WDR70: variants seen among roughly 807,000 people sequenced by gnomAD.
WDR70 encodes the protein WD repeat-containing protein 70.
In WDR70, 53 loss-of-function variants were observed where a neutral mutation model predicts 88.6. The observed-to-expected ratio is 0.60, with a 90% CI of 0.48 to 0.75. The LOEUF (loss-of-function observed/expected upper bound fraction) is 0.75. Among genes scored for constraint, WDR70 ranks in the 30% least tolerant of loss-of-function variants. The pLI, the probability that WDR70 is intolerant of heterozygous loss-of-function variation, is 0.00. For synonymous variants in WDR70, 280 were observed against 270.0 expected, an observed-to-expected ratio of 1.04 and a Z score of -0.36; for missense variants, 610 against 823.2, an observed-to-expected ratio of 0.74 and a Z score of 3.17.
At chr5:37,512,954 G>C (rs923151334) in intron 8 of WDR70, among the ~76,000 whole-genome samples, 5 of 152,150 alleles carry the variant, frequency 3.3e-5, no homozygotes, top group African/African-American at 7.2e-5. Context: ...CTTGGGATTA[G>C]AATATGGACA....
At chr5:37,601,153 T>A (rs541167476) in intron 9 of WDR70, among the ~76,000 whole-genome samples, 1 of 152,356 alleles carries the variant, frequency 6.6e-6, no homozygotes, top group South Asian at 2.1e-4. Flanking sequence ...TGATGTTAGC[T>A]GTGGGCTTAT....
At chr5:37,476,607 G>T (rs1391070741) in intron 7 of WDR70, among the ~76,000 whole-genome samples, 2 of 151,182 alleles carry the variant, frequency 1.3e-5, no homozygotes, top group African/African-American at 4.9e-5. Flanking sequence ...CTGGAGTGCA[G>T]TGGAGCAATC....
intron 5 of WDR70, among the ~76,000 whole-genome samples, chr5:37,422,926 C>T (rs1196830272): frequency 6.6e-6 from 1 of 152,086 alleles, no homozygotes; most frequent in Non-Finnish European, 1.5e-5. Flanking sequence ...CTGCACCTGG[C>T]CAAATGTGAA....
intron 5 of WDR70, among the ~76,000 whole-genome samples, chr5:37,429,095 T>A (rs1385262346): frequency 6.6e-6 from 1 of 152,224 alleles, no homozygotes; most frequent in Non-Finnish European, 1.5e-5. Flanking sequence ...CTTAGGCTCC[T>A]GAGTGTCTGG....
intron 4 of WDR70, 95 bp from the exon 5 acceptor site, chr5:37,396,280 T>A: frequency 7.1e-7 from 1 of 1,410,240 alleles, no homozygotes; most frequent in Non-Finnish European, 9.3e-7. Context: ...CAGTTGTTAA[T>A]AGGAGAGGAA....
intron 7 of WDR70, among the ~76,000 whole-genome samples, chr5:37,468,974 C>G (rs1465802593): frequency 1.3e-5 from 2 of 152,070 alleles, no homozygotes; most frequent in Non-Finnish European, 2.9e-5. Context: ...AACTAGTCCC[C>G]CATGGATACT....
At chr5:37,683,887 C>G (rs1179202680) in intron 10 of WDR70, among the ~76,000 whole-genome samples, 1 of 152,110 alleles carries the variant, frequency 6.6e-6, no homozygotes, top group African/African-American at 2.4e-5. Flanking sequence ...ATGTTGGCCT[C>G]TCTAGCTAGT....
intron 9 of WDR70, among the ~76,000 whole-genome samples, chr5:37,553,171 A>G (rs1387048886): frequency 6.6e-6 from 1 of 152,194 alleles, no homozygotes; most frequent in Non-Finnish European, 1.5e-5. Flanking sequence ...GGGGAAGAAA[A>G]TAGCCCTTTC....
intron 9 of WDR70, among the ~76,000 whole-genome samples, chr5:37,555,779 C>T (rs549488342): frequency 3.3e-5 from 5 of 152,062 alleles, no homozygotes; most frequent in Non-Finnish European, 5.9e-5. Context: ...AGTGCAGTAG[C>T]GTGATCTTGG....
At chr5:37,588,113 A>G (rs769859017) in intron 9 of WDR70, among the ~76,000 whole-genome samples, 1 of 152,186 alleles carries the variant, frequency 6.6e-6, no homozygotes, top group Non-Finnish European at 1.5e-5. Context: ...GGTAGTATTA[A>G]AGATCAATAG....
chr5:37,637,331 T>C (rs575692092), intron 10 of WDR70, among the ~76,000 whole-genome samples: 6 of 117,894 alleles, frequency 5.1e-5, no homozygotes, highest in Non-Finnish European at 8.5e-5. Context: ...TCTCAAAAAA[T>C]AAATAAATTA....
In WDR70 at chr5:37,613,813, T is replaced by A. The variant is rs185585922; in HGVS notation, c.1092+8575T>A. 2.0e-3 allele frequency among the ~76,000 whole-genome samples: 299 copies of A among 152,158 alleles called. 1 individual carries two copies. The highest frequency in any genetic ancestry group is 6.8e-3 in the African/African-American group (282 of 41,524). ...TGCTGTCATTATTGTTTTACTGATTTAAAAAAAATCCAGAAACAAAGAAAT... is the reference window on the plus strand; with the variant it reads ...TGCTGTCATTATTGTTTTACTGATTAAAAAAAAATCCAGAAACAAAGAAAT... On this transcript the variant is annotated intron_variant, in intron 10 of 17. Transcript: ENST00000265107.
intron 8 of WDR70, among the ~76,000 whole-genome samples, chr5:37,491,304 T>C (rs1200713622): frequency 6.6e-5 from 10 of 152,200 alleles, no homozygotes; most frequent in Admixed American, 6.5e-4. Flanking sequence ...AGTGTGATTA[T>C]CTACTCATTA....
chr5:37,661,474 G>C (rs964492973), intron 10 of WDR70, among the ~76,000 whole-genome samples: 1 of 152,234 alleles, frequency 6.6e-6, no homozygotes, highest in Non-Finnish European at 1.5e-5. Context: ...TGCCTAGACA[G>C]AGCCAATTTA....
intron 10 of WDR70, among the ~76,000 whole-genome samples, chr5:37,683,136 T>C (rs1428927315): frequency 6.6e-6 from 1 of 152,220 alleles, no homozygotes; most frequent in Non-Finnish European, 1.5e-5. Context: ...AAAATCCATT[T>C]TGTCTGAAAT....
At chr5:37,571,930 A>AT (rs1292301348) in intron 9 of WDR70, among the ~76,000 whole-genome samples, 7 of 152,110 alleles carry the variant, frequency 4.6e-5, no homozygotes, top group Non-Finnish European at 1.0e-4. Context: ...GCTGAGGGGT[A>AT]TTAAGATCTG....
chr5:37,444,564 A>C (rs1201024193), intron 7 of WDR70, among the ~76,000 whole-genome samples: 1 of 151,886 alleles, frequency 6.6e-6, no homozygotes, highest in African/African-American at 2.4e-5. Context: ...GGTGGTCTCA[A>C]ACTCCTGATC....
intron 9 of WDR70, among the ~76,000 whole-genome samples, chr5:37,589,137 C>T (rs1743449966): frequency 6.6e-6 from 1 of 151,912 alleles, no homozygotes; most frequent in Non-Finnish European, 1.5e-5. Context: ...AAGTGATGCT[C>T]CTGCCTCAGC....
In WDR70 at chr5:37,574,791, A is replaced by G. The variant is rs192079371; in HGVS notation, c.918-30273A>G. Reference sequence around the variant, plus strand: ...ACACTGCACCCATCCATGTATTAATAATTGACTAGACCAGAGATGTGAGAG... The same window carrying G: ...ACACTGCACCCATCCATGTATTAATGATTGACTAGACCAGAGATGTGAGAG... On this transcript the variant is annotated intron_variant, in intron 9 of 17. Transcript: ENST00000265107. 5.3e-5 allele frequency among the ~76,000 whole-genome samples: 8 copies of G among 152,304 alleles called. No homozygotes were observed. The East Asian group carries it at 1.5e-3, about 29-fold the overall frequency.
Sources: gnomAD v4.1 joint callset for allele counts (sites outside exome capture counted in the v4.1 genomes callset) on GRCh38, gnomAD v4.1.1 for gene constraint, MANE v1.5 for transcripts, NCBI Gene and HGNC (gene_info 2026-07-23, HGNC 2026-07-21) for gene names.